Variants in RAPH1 observed in about 807,000 individuals in gnomAD.
RAPH1 encodes ras-associated and pleckstrin homology domains-containing protein 1.
A neutral mutation model predicts 88.1 loss-of-function variants in RAPH1; 18 were observed. That is an observed-to-expected ratio of 0.20 (90% CI 0.14 to 0.30). The LOEUF (loss-of-function observed/expected upper bound fraction) is 0.30. Ranked by LOEUF, RAPH1 falls within the 10% of genes least tolerant of loss-of-function variation. RAPH1 has a pLI of 1.00. For synonymous variants in RAPH1, 587 were observed against 559.0 expected, an observed-to-expected ratio of 1.05 and a Z score of -0.71; for missense variants, 1,448 against 1,543.2, an observed-to-expected ratio of 0.94 and a Z score of 1.03.
chr2:203,468,568 T>A (rs1036615133), intron 4 of RAPH1, among the ~76,000 whole-genome samples: 17 of 152,184 alleles, frequency 1.1e-4, no homozygotes, highest in African/African-American at 4.1e-4. Context: ...GCACTTAACA[T>A]GATTTAGAAC....
chr2:203,447,740 A>G (rs912911344), intron 12 of RAPH1: 4 of 350,336 alleles, frequency 1.1e-5, no homozygotes, highest in African/African-American at 2.1e-5. Context: ...TGGCTTTAGA[A>G]ATCTATATAC....
chr2:203,490,048 T>C lies in RAPH1; in HGVS notation c.268A>G (p.Met90Val). The C allele has an allele frequency of 1.2e-6, 2 of 1,613,678 alleles. No individual in the cohort carries two copies. Among genetic ancestry groups the C allele is most frequent in the South Asian group, 2.2e-5 (2 of 91,058 alleles). The change falls in exon 4 of 14, where the codon ATG becomes GTG. Residue 90 changes from methionine to valine, a missense_variant. Coordinates refer to ENST00000319170, the MANE Select transcript of RAPH1 (RefSeq NM_213589.3). ...QGETVDLDAL[M>V]ADLCSIEQEL... ...TGCTCTATAGAGCAAAGATCAGCCA[T>C]CAAGGCATCCAGATCCACAGTCTCT...
chr2:203,447,568 T>C (rs538974063), intron 12 of RAPH1: 1 of 153,728 alleles, frequency 6.5e-6, no homozygotes, highest in Non-Finnish European at 1.4e-5. Context: ...AATCATAGCA[T>C]GCACTTGTTT....
At chr2:203,464,626 T>C (rs935883978) in intron 4 of RAPH1, among the ~76,000 whole-genome samples, 6 of 152,198 alleles carry the variant, frequency 3.9e-5, no homozygotes, top group African/African-American at 1.4e-4. Flanking sequence ...TCTATAAATT[T>C]AACATTTTAA....
intron 7 of RAPH1, 54 bp from the exon 8 acceptor site, chr2:203,457,649 A>G: frequency 7.6e-7 from 1 of 1,311,052 alleles, no homozygotes; most frequent in Non-Finnish European, 1.1e-6. Context: ...AAGAAGGTTA[A>G]AGCATAAATC....
intron 4 of RAPH1, among the ~76,000 whole-genome samples, chr2:203,473,517 A>G (rs1382843729): frequency 1.3e-5 from 2 of 152,036 alleles, no homozygotes; most frequent in Non-Finnish European, 2.9e-5. Context: ...TAAACTGCAG[A>G]AATTGTGGTT....
In RAPH1 at chr2:203,435,940, ATTAGT is replaced by A. The variant is rs1483195641; in HGVS notation, c.*3492_*3496del. ...TTATGGATTTCCTCGATACAAGTTTATTAGTTTATTCTCCATATACAAGTTTATTC... is the reference window on the plus strand; with the variant it reads ...TTATGGATTTCCTCGATACAAGTTTATTATTCTCCATATACAAGTTTATTC... On this transcript the variant is annotated 3_prime_UTR_variant, in exon 14 of 14. Coordinates refer to ENST00000319170, the MANE Select transcript of RAPH1 (RefSeq NM_213589.3). 2.6e-5 allele frequency: 4 copies of A among 152,220 alleles called. No homozygotes were observed. Among genetic ancestry groups the A allele is most frequent in the African/African-American group, 9.6e-5 (4 of 41,460 alleles). 9.4% of individuals were successfully genotyped at this position (152,220 alleles called of 1,614,324 possible). A position where few individuals can be genotyped will look rare whatever the true frequency, so the allele number is the denominator to read the frequency against.
chr2:203,490,363 T>A (rs544927606), intron 3 of RAPH1, among the ~76,000 whole-genome samples: 1 of 152,366 alleles, frequency 6.6e-6, no homozygotes, highest in East Asian at 1.9e-4. Flanking sequence ...TTTAACCACA[T>A]TCCTCTGTGC....
intron 4 of RAPH1, among the ~76,000 whole-genome samples, chr2:203,484,362 G>C (rs1292188861): frequency 6.6e-6 from 1 of 152,124 alleles, no homozygotes; most frequent in Non-Finnish European, 1.5e-5. Context: ...TCTATTTTGG[G>C]CCAGATAATT....
intron 6 of RAPH1, 129 bp from the exon 7 acceptor site, chr2:203,460,157 T>A (rs2098523196): frequency 1.4e-6 from 1 of 728,730 alleles, no homozygotes; most frequent in Non-Finnish European, 2.2e-6. Flanking sequence ...CTAAAAATTA[T>A]CTGGTATTCC....
At chr2:203,529,003 ATATTTTTTT>A (rs1300535743) in intron 1 of RAPH1, among the ~76,000 whole-genome samples, 17 of 58,746 alleles carry the variant, frequency 2.9e-4, no homozygotes, top group African/African-American at 9.5e-4. Flanking sequence ...ATATATATAT[ATATTTTTTT>A]TTTTTTTTTT....
chr2:203,504,988 A>G (rs1430988196), intron 1 of RAPH1, among the ~76,000 whole-genome samples: 3 of 152,176 alleles, frequency 2.0e-5, no homozygotes, highest in African/African-American at 4.8e-5. Flanking sequence ...CTTATTGTTC[A>G]TATCACTATC....
At position 203,440,973 on chromosome 2, in the gene RAPH1, C is replaced by T; in HGVS notation, c.2217G>A (p.Gln739=). 1.3e-6 allele frequency: 2 copies of T among 1,513,288 alleles called. No homozygotes were observed. The highest frequency in any genetic ancestry group is 8.9e-7 in the Non-Finnish European group (1 of 1,128,210). 93.7% of individuals were successfully genotyped at this position (1,513,288 alleles called of 1,614,324 possible). The stretch of plus-strand genomic sequence containing the variant: ...TCAGTGGAGGAGGCGGGGCACTGAA[C>T]TGTGGAAGGGATGGGGCACACGGTG... ...KPAPCAPSLP[Q]FSAPPPPLKI... Residue 739 remains glutamine (Q), a synonymous_variant, in exon 14 of 14, where the codon CAG becomes CAA. Transcript: ENST00000319170.
In RAPH1 at chr2:203,448,792, A is replaced by G; in HGVS notation, c.1458T>C (p.Cys486=). 1 of 1,612,288 alleles carries G rather than the reference A, an allele frequency of 6.2e-7. No homozygotes were observed. Among genetic ancestry groups the G allele is most frequent in the Non-Finnish European group, 8.5e-7 (1 of 1,179,362 alleles). Residue 486 remains cysteine, a synonymous_variant, in exon 11 of 14, where the codon TGT becomes TGC. Coordinates refer to ENST00000319170, the MANE Select transcript of RAPH1 (RefSeq NM_213589.3). This position sits in a 1 kb window ranked among gnomAD's most constrained non-coding sequence, Gnocchi z 4.1. ...QKKSQYIKYL[C]CDDVRTLHQW... is the part of the protein sequence containing the mutation. ...GATGCAGTGTCCTCACATCATCACA[A>G]CAAAGGTATTTGATATATTGAGATT...
intron 7 of RAPH1, 58 bp downstream of exon 7, chr2:203,459,849 C>T (rs899611486): frequency 5.8e-6 from 9 of 1,553,152 alleles, no homozygotes; most frequent in African/African-American, 2.8e-5. Context: ...TAGCAGTAAT[C>T]GAATAAAATA....
intron 2 of RAPH1, among the ~76,000 whole-genome samples, chr2:203,494,373 A>G (rs1199501372): frequency 6.6e-6 from 1 of 152,170 alleles, no homozygotes; most frequent in African/African-American, 2.4e-5. Context: ...TTTTATTCTA[A>G]AAAGTGTGCT....
Position 203,535,227 on chromosome 2 carries a change from G to A in RAPH1, c.-117C>T, listed in dbSNP as rs1690566181. The A allele has an allele frequency of 1.3e-5, 2 of 152,316 alleles. No homozygotes were observed. Among genetic ancestry groups the A allele is most frequent in the South Asian group, 3.9e-4 (2 of 5,078 alleles). The allele number at this position is 152,316 out of a possible 1,614,324, so 9.4% of individuals were successfully genotyped here. A position where few individuals can be genotyped will look rare whatever the true frequency, so the allele number is the denominator to read the frequency against. On this transcript the variant is annotated 5_prime_UTR_variant, in exon 1 of 14. Coordinates refer to ENST00000319170, the MANE Select transcript of RAPH1 (RefSeq NM_213589.3). ...GGCGCTCCCTCGCCAGAGACGCAGCGACTGCCAGCAGCTCCCGCGCCGCGC... is the reference window on the plus strand; with the variant it reads ...GGCGCTCCCTCGCCAGAGACGCAGCAACTGCCAGCAGCTCCCGCGCCGCGC...
In RAPH1 at chr2:203,456,840, A is replaced by C. The variant is rs1367507489; in HGVS notation, c.1158+690T>G. ...CCAAAAAATGATCATGATTTTAAAA[A>C]TTATTTAATTATTTAAGGATAAGGC... On this transcript the variant is annotated intron_variant, in intron 8 of 13. Transcript: ENST00000319170. 2.0e-5 allele frequency among the ~76,000 whole-genome samples: 3 copies of C among 152,300 alleles called. No individual in the cohort carries two copies. The South Asian group carries it at 6.2e-4, about 32-fold the overall frequency.
At chr2:203,517,211 T>C (rs191369271) in intron 1 of RAPH1, among the ~76,000 whole-genome samples, 1 of 151,922 alleles carries the variant, frequency 6.6e-6, no homozygotes, top group Non-Finnish European at 1.5e-5. Flanking sequence ...CAGGAGGAGC[T>C]AACTTAATTT....
Sources: allele counts gnomAD v4.1 joint callset (sites outside exome capture counted in the v4.1 genomes callset), GRCh38; gene constraint gnomAD v4.1.1; non-coding constraint Gnocchi (gnomAD v3.1); transcripts MANE v1.5; gene names NCBI Gene and HGNC (gene_info 2026-07-23, HGNC 2026-07-21).